Variants in TTN observed in about 807,000 individuals in gnomAD.
TTN encodes titin.
Under a neutral mutation model 3,223.0 loss-of-function variants are expected in TTN, and 1,525 were observed. That is an observed-to-expected ratio of 0.47 (90% CI 0.45 to 0.49). The LOEUF is 0.49. Ranked by LOEUF, TTN falls within the 20% of genes least tolerant of loss-of-function variation. The pLI, the probability that TTN is intolerant of heterozygous loss-of-function variation, is 0.00. For synonymous variants in TTN, 14,094 were observed against 15,161.0 expected, an observed-to-expected ratio of 0.93 and a Z score of 5.17; for missense variants, 40,786 against 43,424.0, an observed-to-expected ratio of 0.94 and a Z score of 5.40.
intron 40 of TTN, among the ~76,000 whole-genome samples, chr2:178,767,380 C>T (rs1305389195): frequency 6.6e-6 from 1 of 152,210 alleles, no homozygotes; most frequent in African/African-American, 2.4e-5. Context: ...CTTGCCTCTC[C>T]ACAGATAGAA....
intron 159 of TTN, 36 bp downstream of exon 159, chr2:178,669,337 G>A (rs1390435317): frequency 1.4e-6 from 2 of 1,478,364 alleles, no homozygotes; most frequent in South Asian, 1.3e-5. Context: ...GGACATAAAT[G>A]AAACGAAAAA....
chr2:178,652,376 A>C (rs1435650684), intron 202 of TTN, 29 bp from the exon 203 acceptor site: 1 of 1,613,362 alleles, frequency 6.2e-7, no homozygotes. Context: ...AATTACATTT[A>C]GGCATTATGA....
chr2:178,599,991 T>G, intron 288 of TTN, 141 bp from the exon 289 acceptor site: 1 of 764,066 alleles, frequency 1.3e-6, no homozygotes, highest in Non-Finnish European at 2.0e-6. Context: ...TGGTTCTGTC[T>G]TTAACACTAT....
Position 178,618,912 on chromosome 2 carries a change from A to T in TTN, c.46697-59T>A. 2.6e-6 allele frequency: 4 copies of T among 1,564,036 alleles called. No homozygotes were observed. In the South Asian group the frequency reaches 4.8e-5, roughly 19 times the overall value. Reference sequence around the variant, plus strand: ...CTATTAAACGTAGCCAAGCTACATCATGTTATTATGCATTTATTAGAAAAT... The same window carrying T: ...CTATTAAACGTAGCCAAGCTACATCTTGTTATTATGCATTTATTAGAAAAT... On this transcript the variant is annotated intron_variant, in intron 250 of 362. Transcript: ENST00000589042.
intron 47 of TTN, chr2:178,746,663 T>G (rs1454820949): frequency 6.2e-7 from 1 of 1,613,338 alleles, no homozygotes; most frequent in Non-Finnish European, 8.5e-7. Flanking sequence ...TTCTCCTTTT[T>G]GAATGTTAGA....
intron 47 of TTN, chr2:178,751,121 T>C (rs757105137): frequency 6.2e-7 from 1 of 1,612,866 alleles, no homozygotes; most frequent in Non-Finnish European, 8.5e-7. Context: ...ATCTACCTTA[T>C]AACTTTCAGC....
Position 178,543,524 on chromosome 2 carries a change from C to G in TTN, c.96449G>C (p.Arg32150Thr). Residue 32150 changes from arginine (R) to threonine (T), a missense_variant, in exon 347 of 363, where the codon AGA becomes ACA. Transcript: ENST00000589042. ...TTTGGTAGTTACTGTTTTGAATGCT[C>G]TCATAGCAGCTTCACGCTTCTCAAC... ...YIVEKREAAMRAFKTVTTKCS... is the reference protein window; with the variant it reads ...YIVEKREAAMTAFKTVTTKCS... 6.2e-7 allele frequency: 1 copy of G among 1,613,282 alleles called. No individual in the cohort carries two copies. The highest frequency in any genetic ancestry group is 8.5e-7 in the Non-Finnish European group (1 of 1,179,722).
In TTN at chr2:178,800,407, A is replaced by G; in HGVS notation, c.571T>C (p.Leu191=). The change falls in exon 4 of 363, where the codon TTA becomes CTA. Residue 191 remains leucine (L), a synonymous_variant. Coordinates refer to ENST00000589042, the MANE Select transcript of TTN (RefSeq NM_001267550.2). ...SVGRATSTAE[L]LVQGEEEVPA... Reference sequence around the variant, plus strand: ...CTCCAGCACGTACCTTGAACCAGTAATTCAGCAGTCGAAGTAGCTCTTCCA... The same window carrying G: ...CTCCAGCACGTACCTTGAACCAGTAGTTCAGCAGTCGAAGTAGCTCTTCCA... The G allele has an allele frequency of 6.2e-7, 1 of 1,614,104 alleles. No individual in the cohort carries two copies. Among genetic ancestry groups the G allele is most frequent in the Non-Finnish European group, 8.5e-7 (1 of 1,179,968 alleles).
At chr2:178,719,476 G>C (rs765104046) in intron 82 of TTN, 25 bp from the exon 83 acceptor site, 2 of 1,597,716 alleles carry the variant, frequency 1.3e-6, no homozygotes, top group African/African-American at 2.7e-5. Context: ...GTAGTTTTGC[G>C]TTTAAAGAGA....
chr2:178,569,630 A>T lies in TTN; in HGVS notation c.76502T>A (p.Val25501Asp). Reference sequence around the variant, plus strand: ...GTCTGGTGCTTCTAATTTTTCTTCAACTATAATAGGTCCAGGGACGTCAGC... The same window carrying T: ...GTCTGGTGCTTCTAATTTTTCTTCATCTATAATAGGTCCAGGGACGTCAGC... ...EHADVPGPII[V>D]EEKLEAPDID... is the part of the protein sequence containing the mutation. Residue 25501 changes from valine (V) to aspartate (D), a missense_variant, in exon 326 of 363, where the codon GTT (valine) becomes GAT (aspartate). By Grantham distance (152) the Val-to-Asp change is radical. Transcript: ENST00000589042. The T allele has an allele frequency of 6.2e-7, 1 of 1,611,916 alleles. No homozygotes were observed. Among genetic ancestry groups the T allele is most frequent in the Non-Finnish European group, 8.5e-7 (1 of 1,178,956 alleles).
In TTN at chr2:178,527,703, C is replaced by T; in HGVS notation, c.107423G>A (p.Gly35808Asp). The T allele has an allele frequency of 1.9e-6, 3 of 1,612,402 alleles. No individual in the cohort carries two copies. The highest frequency in any genetic ancestry group is 2.5e-6 in the Non-Finnish European group (3 of 1,178,702). Residue 35808 changes from glycine to aspartate, a missense_variant, in exon 362 of 363, where the codon GGT becomes GAT. Gly to Asp is a moderately conservative substitution (Grantham distance 94, BLOSUM62 -1). Transcript: ENST00000589042. The stretch of plus-strand genomic sequence containing the variant: ...GAAGCTTCCTTGCAAGCTTGTGTCA[C>T]CACTTGTTCTCAATACTACCTCTCT... ...PSREVVLRTS[G>D]DTSLQGSFSS... is the part of the protein sequence containing the mutation.
chr2:178,717,842 C>T (rs1325399402), intron 86 of TTN, 32 bp from the exon 87 acceptor site: 1 of 1,582,108 alleles, frequency 6.3e-7, no homozygotes, highest in Non-Finnish European at 8.6e-7. Context: ...TCCTTATTTA[C>T]AGGTGAGAAG....
In TTN at chr2:178,770,117, C is replaced by T; in HGVS notation, c.8584G>A (p.Gly2862Arg). ...TGCCCGACCACAGCTGTGTATTCCC[C>T]AGCATCTGAGGGGGAGATGTTCTGC... Reference protein sequence around the residue: ...MLQNISPSDAGEYTAVVGQLE... With the variant: ...MLQNISPSDAREYTAVVGQLE... Residue 2862 changes from glycine (G) to arginine (R), a missense_variant, in exon 36 of 363, where the codon GGG becomes AGG. Gly to Arg is a moderately radical substitution (Grantham distance 125). Coordinates refer to ENST00000589042, the MANE Select transcript of TTN (RefSeq NM_001267550.2). 6.2e-7 allele frequency: 1 copy of T among 1,614,152 alleles called. No homozygotes were observed. Among genetic ancestry groups the T allele is most frequent in the South Asian group, 1.1e-5 (1 of 91,080 alleles).
In TTN at chr2:178,598,617, C is replaced by T; in HGVS notation, c.57000G>A (p.Trp19000Ter). The change falls in exon 292 of 363, where the codon TGG becomes TGA. Residue 19000 changes from tryptophan to a stop codon, truncating the protein, a stop_gained. Transcript: ENST00000589042. LOFTEE classifies it high-confidence loss of function. ...PGPPFPKVTD[W>*]TKSSADLEWS... ...ACTCCAGATCTGCAGATGATTTAGT[C>T]CAATCTGTCACTTTGGGAAATGGAG... The T allele has an allele frequency of 6.2e-7, 1 of 1,606,596 alleles. No individual in the cohort carries two copies. Among genetic ancestry groups the T allele is most frequent in the Non-Finnish European group, 8.5e-7 (1 of 1,178,064 alleles).
chr2:178,636,469 G>C lies in TTN; in HGVS notation c.41258C>G (p.Ala13753Gly), dbSNP rs1228071677. 6.2e-7 allele frequency: 1 copy of C among 1,613,290 alleles called. No homozygotes were observed. The highest frequency in any genetic ancestry group is 1.7e-5 in the Admixed American group (1 of 59,980). Reference protein sequence around the residue: ...LHIIDVQLSDAGEYTCVLRLG... With the variant: ...LHIIDVQLSDGGEYTCVLRLG... ...ACGTAAAACACAGGTGTATTCACCAGCATCGGAAAGTTGAACATCAATGAT... is the reference window on the plus strand; with the variant it reads ...ACGTAAAACACAGGTGTATTCACCACCATCGGAAAGTTGAACATCAATGAT... The change falls in exon 225 of 363, where the codon GCT becomes GGT. Residue 13753 changes from alanine to glycine, a missense_variant. Coordinates refer to ENST00000589042, the MANE Select transcript of TTN (RefSeq NM_001267550.2). The surrounding 1 kb of genome is among the most constrained non-coding windows in gnomAD (Gnocchi z 4.3).
At position 178,619,395 on chromosome 2, in the gene TTN, A is replaced by G. The variant is rs369050226; in HGVS notation, c.46696+226T>C. On this transcript the variant is annotated intron_variant, in intron 250 of 362. Transcript: ENST00000589042. ...TAGCCTAAGTTCATAAATAGTCATC[A>G]TGTACTAGCAACTGTCCAAGGCTCT... The G allele has an allele frequency of 2.8e-5, 16 of 571,148 alleles. No homozygotes were observed. The South Asian group carries it at 3.5e-4, about 12-fold the overall frequency. 35.4% of individuals were successfully genotyped at this position (571,148 alleles called of 1,614,324 possible). A position where few individuals can be genotyped will look rare whatever the true frequency, so the allele number is the denominator to read the frequency against.
In TTN at chr2:178,641,338, A is replaced by T. The variant is rs377428921; in HGVS notation, c.40559-23T>A. 5.3e-6 allele frequency: 7 copies of T among 1,331,518 alleles called. No individual in the cohort carries two copies. In the South Asian group the frequency reaches 9.8e-5, roughly 19 times the overall value. 82.5% of individuals were successfully genotyped at this position (1,331,518 alleles called of 1,614,324 possible). ...GAACTTTAAAGACAAAAAGGTTTATATGTAAACCAAGACAAACTAATGAAG... is the reference window on the plus strand; with the variant it reads ...GAACTTTAAAGACAAAAAGGTTTATTTGTAAACCAAGACAAACTAATGAAG... On this transcript the variant is annotated intron_variant, in intron 219 of 362. Coordinates refer to ENST00000589042, the MANE Select transcript of TTN (RefSeq NM_001267550.2).
intron 219 of TTN, among the ~76,000 whole-genome samples, chr2:178,641,680 A>G (rs2061254015): frequency 6.6e-6 from 1 of 151,920 alleles, no homozygotes; most frequent in Non-Finnish European, 1.5e-5. Flanking sequence ...AGTTTACTTA[A>G]GCAGAGATAT....
intron 33 of TTN, among the ~76,000 whole-genome samples, chr2:178,771,950 T>C (rs1239967356): frequency 6.6e-6 from 1 of 152,208 alleles, no homozygotes; most frequent in Non-Finnish European, 1.5e-5. Flanking sequence ...CTATGAAGTT[T>C]CACCCCATTG....
Sources: gnomAD v4.1 joint callset for allele counts (sites outside exome capture counted in the v4.1 genomes callset) on GRCh38, gnomAD v4.1.1 for gene constraint, Gnocchi (gnomAD v3.1) non-coding constraint, MANE v1.5 for transcripts, NCBI Gene and HGNC (gene_info 2026-07-23, HGNC 2026-07-21) for gene names.